Variants in LIFR observed in about 807,000 individuals in gnomAD.
LIFR encodes the protein leukemia inhibitory factor receptor.
LIFR carries 84 observed loss-of-function variants against 122.2 expected under a neutral mutation model. The ratio of observed to expected loss-of-function variants is 0.69; its 90% CI spans 0.58 to 0.82. LIFR has a LOEUF of 0.82. Among genes scored for constraint, LIFR ranks in the 40% least tolerant of loss-of-function variants. LIFR has a pLI of 0.00. For missense variants in LIFR, 1,294 were observed against 1,311.6 expected, an observed-to-expected ratio of 0.99 and a Z score of 0.21; for synonymous variants, 422 against 434.7, an observed-to-expected ratio of 0.97 and a Z score of 0.36.
At chr5:38,599,119 G>C (rs557141490), upstream of LIFR, among the ~76,000 whole-genome samples, 1 of 152,258 alleles carries the variant, frequency 6.6e-6, no homozygotes, top group South Asian at 2.1e-4. Flanking sequence ...CCAGTAGAAA[G>C]AGCATAACTT....
At chr5:38,555,199 TA>T (rs1748451384) in intron 1 of LIFR, 2 of 152,212 alleles carry the variant, frequency 1.3e-5, no homozygotes, top group Non-Finnish European at 2.9e-5. Flanking sequence ...CTCGTGTTTT[TA>T]AAAAACACAT....
chr5:38,533,320 G>T (rs957759466), intron 1 of LIFR, among the ~76,000 whole-genome samples: 2 of 152,200 alleles, frequency 1.3e-5, no homozygotes, highest in Non-Finnish European at 2.9e-5. Context: ...CTGTAAGACT[G>T]TTGAATGGAA....
upstream of LIFR, chr5:38,557,719 G>A (rs921292436): frequency 3.9e-5 from 6 of 154,572 alleles, no homozygotes; most frequent in Non-Finnish European, 5.9e-5. Context: ...TGTTGATCAT[G>A]TAATTAAATG....
intron 1 of LIFR, among the ~76,000 whole-genome samples, chr5:38,546,086 G>GA (rs1468493361): frequency 3.3e-5 from 5 of 152,094 alleles, no homozygotes; most frequent in Non-Finnish European, 7.4e-5. Flanking sequence ...TGGAGAAGGG[G>GA]AAAAATCCAG....
At chr5:38,604,721 AAAC>A (rs1051013271) in intron 2 of LIFR, among the ~76,000 whole-genome samples, 2 of 151,998 alleles carry the variant, frequency 1.3e-5, no homozygotes, top group Non-Finnish European at 2.9e-5. Flanking sequence ...ACAAAACAAA[AAAC>A]AAGTTTATTT....
upstream of LIFR, among the ~76,000 whole-genome samples, chr5:38,598,265 T>C (rs1483344913): frequency 8.3e-6 from 1 of 120,620 alleles, no homozygotes; most frequent in Admixed American, 8.9e-5. Flanking sequence ...TTTTTCTTTT[T>C]AGAGGGAGTC....
At chr5:38,537,517 C>T (rs932807858) in intron 1 of LIFR, among the ~76,000 whole-genome samples, 2 of 152,158 alleles carry the variant, frequency 1.3e-5, no homozygotes, top group African/African-American at 4.8e-5. Flanking sequence ...TCCCTTTTAA[C>T]GATGAAGTGC....
In LIFR at chr5:38,510,452, T is replaced by C; in HGVS notation, c.991+12A>G. 1 of 1,611,044 alleles carries C rather than the reference T, an allele frequency of 6.2e-7. No homozygotes were observed. The highest frequency in any genetic ancestry group is 8.5e-7 in the Non-Finnish European group (1 of 1,178,760). On this transcript the variant is annotated intron_variant, in intron 7 of 19. Transcript: ENST00000453190. ...GTTAATAGGAATTCTCTCTTTAAAA[T>C]CATATACTTACATCCAGCAAAAATA...
At position 38,481,572 on chromosome 5, in the gene LIFR, A is replaced by T. The variant is rs1161567306; in HGVS notation, c.*23T>A. 3.1e-6 allele frequency: 5 copies of T among 1,613,712 alleles called. No homozygotes were observed. Among genetic ancestry groups the T allele is most frequent in the Non-Finnish European group, 4.2e-6 (5 of 1,179,704 alleles). ...CAGTAAGAGCTTATTGAGATGGCTG[A>T]CTGAAGTGACACGGTGACACTGTTA... On this transcript the variant is annotated 3_prime_UTR_variant, in exon 20 of 20. Coordinates refer to ENST00000453190, the MANE Select transcript of LIFR (RefSeq NM_001127671.2).
Position 38,511,789 on chromosome 5 carries a change from C to T in LIFR, c.736+1G>A. Reference sequence around the variant, plus strand: ...CAAACATTCTTTAAATATAAGCTTACAAGAAATGTTCTTCACAGGGCTCCA... The same window carrying T: ...CAAACATTCTTTAAATATAAGCTTATAAGAAATGTTCTTCACAGGGCTCCA... On this transcript the variant is annotated splice_donor_variant, in intron 6 of 19. Transcript: ENST00000453190. LOFTEE classifies it high-confidence loss of function. 1 of 1,612,886 alleles carries T rather than the reference C, an allele frequency of 6.2e-7. No individual in the cohort carries two copies. Among genetic ancestry groups the T allele is most frequent in the South Asian group, 1.1e-5 (1 of 91,040 alleles).
At chr5:38,517,787 T>G (rs574989003) in intron 5 of LIFR, among the ~76,000 whole-genome samples, 4 of 140,914 alleles carry the variant, frequency 2.8e-5, no homozygotes, top group Non-Finnish European at 6.0e-5. Flanking sequence ...AACCCGGGAT[T>G]TGGAGGTTGC....
intron 5 of LIFR, among the ~76,000 whole-genome samples, chr5:38,519,176 G>A (rs1246488464): frequency 6.6e-6 from 1 of 152,170 alleles, no homozygotes. Context: ...AGTTTTATAA[G>A]TTTAGTGTGG....
intron 9 of LIFR, 91 bp downstream of exon 9, chr5:38,505,814 C>T (rs934672916): frequency 6.3e-6 from 4 of 633,828 alleles, no homozygotes; most frequent in Non-Finnish European, 1.0e-5. Flanking sequence ...AGAAAATAAT[C>T]AGCAAAAAGT....
rs532378083 is a variant in LIFR at position 38,522,259 on chromosome 5, A to G, written c.561+1160T>C. ...CAGTTGCAGGCAGGGGACTCTGGGC[A>G]CATGGAATGCACTTTAGCAGTGGAG... On this transcript the variant is annotated intron_variant, in intron 5 of 19. Coordinates refer to ENST00000453190, the MANE Select transcript of LIFR (RefSeq NM_001127671.2). Among the ~76,000 whole-genome samples the G allele has an allele frequency of 5.3e-5, 8 of 152,338 alleles. No homozygotes were observed. The South Asian group carries it at 1.7e-3, about 32-fold the overall frequency.
intron 5 of LIFR, among the ~76,000 whole-genome samples, chr5:38,521,512 G>C (rs181663742): frequency 1.5e-3 from 235 of 152,292 alleles, no homozygotes; most frequent in African/African-American, 5.3e-3. Flanking sequence ...AGTGGAAGTG[G>C]TAAGCCGAGT....
intron 4 of LIFR, among the ~76,000 whole-genome samples, chr5:38,525,186 T>C (rs1027349173): frequency 6.6e-5 from 10 of 152,134 alleles, no homozygotes; most frequent in Non-Finnish European, 1.2e-4. Flanking sequence ...TTTGGACCAA[T>C]GGAAAACAAA....
At chr5:38,514,224 GAAGACAGAGAAGGAC>G (rs1222740346) in intron 5 of LIFR, among the ~76,000 whole-genome samples, 6 of 152,076 alleles carry the variant, frequency 3.9e-5, no homozygotes, top group Non-Finnish European at 8.8e-5. Context: ...AAAAAAAGGA[GAAGACAGAGAAGGAC>G]AAATCAAAGA....
chr5:38,490,204 T>C lies in LIFR; in HGVS notation c.2153A>G (p.Tyr718Cys), dbSNP rs1696851358. The C allele has an allele frequency of 1.5e-5, 23 of 1,512,572 alleles. No homozygotes were observed. The highest frequency in any genetic ancestry group is 1.9e-5 in the Non-Finnish European group (21 of 1,092,768). 93.7% of individuals were successfully genotyped at this position (1,512,572 alleles called of 1,614,324 possible). A position where few individuals can be genotyped will look rare whatever the true frequency, so the allele number is the denominator to read the frequency against. ...ATTTAACTTACCCAATTCTTCTATA[T>C]ATCCAATCATGGAGCGTAATAATTG... ...GYQLLRSMIG[Y>C]IEELAPIVAP... Residue 718 changes from tyrosine to cysteine, a missense_variant, in exon 15 of 20, where the codon TAT becomes TGT. By Grantham distance (194) the Tyr-to-Cys change is radical (BLOSUM62 -2). Transcript: ENST00000453190.
At chr5:38,502,904 A>G (rs1334590982) in intron 10 of LIFR, 105 bp from the exon 11 acceptor site, 2 of 556,144 alleles carry the variant, frequency 3.6e-6, no homozygotes, top group African/African-American at 1.9e-5. Flanking sequence ...GAAAGCCTTC[A>G]CATTTGTAAC....
Sources: allele counts gnomAD v4.1 joint callset (sites outside exome capture counted in the v4.1 genomes callset), GRCh38; gene constraint gnomAD v4.1.1; transcripts MANE v1.5; gene names NCBI Gene and HGNC (gene_info 2026-07-23, HGNC 2026-07-21).